SGCZ: variants seen among roughly 807,000 people sequenced by gnomAD.
The protein encoded by SGCZ is zeta-sarcoglycan.
In SGCZ, 40 loss-of-function variants were observed where a neutral mutation model predicts 41.3. The ratio of observed to expected loss-of-function variants is 0.97; its 90% confidence interval spans 0.75 to 1.26. The LOEUF is 1.26. Among genes scored for constraint, SGCZ ranks in the 50% most tolerant of loss-of-function variants. SGCZ has a pLI of 0.00. For synonymous variants in SGCZ, 206 were observed against 137.5 expected (o/e 1.50, Z -3.49); for missense variants, 552 against 369.8 (o/e 1.49, Z -4.04).
intron 1 of SGCZ, among the ~76,000 whole-genome samples, chr8:15,139,167 T>C (rs1034797033): frequency 2.6e-5 from 4 of 152,230 alleles, no homozygotes; most frequent in African/African-American, 9.6e-5. Flanking sequence ...CTGCTAAATA[T>C]TATCAGAGAA....
At chr8:14,700,079 A>G (rs1809087386) in intron 1 of SGCZ, among the ~76,000 whole-genome samples, 1 of 152,194 alleles carries the variant, frequency 6.6e-6, no homozygotes, top group South Asian at 2.1e-4. Context: ...GAGAACTACC[A>G]TTCTATCCAA....
chr8:14,252,963 C>T (rs1281012137), intron 3 of SGCZ, among the ~76,000 whole-genome samples: 1 of 152,026 alleles, frequency 6.6e-6, no homozygotes, highest in Non-Finnish European at 1.5e-5. Flanking sequence ...GCTAGGTTGC[C>T]TGTGGGATTT....
intron 1 of SGCZ, among the ~76,000 whole-genome samples, chr8:14,609,361 A>G (rs530777769): frequency 3.9e-5 from 6 of 152,316 alleles, no homozygotes; most frequent in South Asian, 4.1e-4. Context: ...ACAGAACCAA[A>G]CAAAAGTTTC....
chr8:14,744,656 T>A (rs1315508140), intron 1 of SGCZ, among the ~76,000 whole-genome samples: 1 of 152,182 alleles, frequency 6.6e-6, no homozygotes, highest in Non-Finnish European at 1.5e-5. Context: ...TTGGAACTAC[T>A]GGCTCAGAGA....
In SGCZ at chr8:14,377,622, G is replaced by A. The variant is rs373752879; in HGVS notation, c.235-53418C>T. Reference sequence around the variant, plus strand: ...TATACATGTGCCATGCTGGTGTGCTGCACCCACTAACTCGTCATCTAGCAT... The same window carrying A: ...TATACATGTGCCATGCTGGTGTGCTACACCCACTAACTCGTCATCTAGCAT... On this transcript the variant is annotated intron_variant, in intron 2 of 7. Coordinates refer to ENST00000382080, the MANE Select transcript of SGCZ (RefSeq NM_139167.4). Among the ~76,000 whole-genome samples, 68 of 151,714 alleles carry A rather than the reference G, an allele frequency of 4.5e-4. No individual in the cohort carries two copies. The East Asian group carries it at 9.5e-3, about 21-fold the overall frequency.
intron 1 of SGCZ, among the ~76,000 whole-genome samples, chr8:14,599,586 G>A (rs1375388482): frequency 6.6e-6 from 1 of 152,020 alleles, no homozygotes; most frequent in Non-Finnish European, 1.5e-5. Flanking sequence ...TTGTTCTCCT[G>A]GGAGAAAACT....
intron 1 of SGCZ, among the ~76,000 whole-genome samples, chr8:14,809,546 GT>G (rs886997309): frequency 6.6e-6 from 1 of 152,058 alleles, no homozygotes; most frequent in African/African-American, 2.4e-5. Context: ...CCTTAATGAA[GT>G]TTTGACAATA....
chr8:14,692,827 G>C (rs1050788458), intron 1 of SGCZ, among the ~76,000 whole-genome samples: 1 of 152,080 alleles, frequency 6.6e-6, no homozygotes, highest in Non-Finnish European at 1.5e-5. Flanking sequence ...AAACTATTCA[G>C]GAAAATAAAT....
chr8:14,108,048 T>G (rs777947588), intron 6 of SGCZ, 115 bp downstream of exon 6: 1 of 812,090 alleles, frequency 1.2e-6, no homozygotes, highest in Non-Finnish European at 1.8e-6. Context: ...TTTTTGTATT[T>G]ATTTTAAGTA....
At position 15,195,954 on chromosome 8, in the gene SGCZ, G is replaced by A. The variant is rs550672485; in HGVS notation, c.39+41631C>T. On this transcript the variant is annotated intron_variant, in intron 1 of 7. Coordinates refer to ENST00000382080, the MANE Select transcript of SGCZ (RefSeq NM_139167.4). ...GCTCTGTCGCCCAGGCTGGAGTGCAGTGGCGCGATCTTGGCTCACTGCAAG... is the reference window on the plus strand; with the variant it reads ...GCTCTGTCGCCCAGGCTGGAGTGCAATGGCGCGATCTTGGCTCACTGCAAG... Among the ~76,000 whole-genome samples, 80 of 116,378 alleles carry A rather than the reference G, an allele frequency of 6.9e-4. 1 individual carries two copies. In the South Asian group the frequency reaches 0.019, roughly 28 times the overall value. 76.3% of individuals were successfully genotyped at this position (116,378 alleles called of 152,430 possible). A position where few individuals can be genotyped will look rare whatever the true frequency, so the allele number is the denominator to read the frequency against.
intron 2 of SGCZ, among the ~76,000 whole-genome samples, chr8:14,510,160 G>A (rs529413298): frequency 7.2e-5 from 11 of 152,116 alleles, no homozygotes; most frequent in South Asian, 4.2e-4. Context: ...ATATAATTTC[G>A]TATTTACAAA....
intron 1 of SGCZ, among the ~76,000 whole-genome samples, chr8:15,133,565 T>C (rs1302698263): frequency 6.6e-6 from 1 of 152,242 alleles, no homozygotes; most frequent in Admixed American, 6.5e-5. Flanking sequence ...TTTTCTTAAA[T>C]ACTGTAGTCA....
chr8:14,201,664 A>C (rs1232230076), intron 4 of SGCZ, among the ~76,000 whole-genome samples: 1 of 152,172 alleles, frequency 6.6e-6, no homozygotes. Flanking sequence ...CAAGGGGCAT[A>C]ATGTATTTGT....
intron 1 of SGCZ, among the ~76,000 whole-genome samples, chr8:15,112,563 G>A (rs545841955): frequency 1.3e-5 from 2 of 152,220 alleles, no homozygotes; most frequent in African/African-American, 2.4e-5. Context: ...AAGTGGAAAA[G>A]TAATGTGTCC....
intron 1 of SGCZ, among the ~76,000 whole-genome samples, chr8:14,759,024 A>T (rs1799772870): frequency 6.6e-6 from 1 of 151,766 alleles, no homozygotes; most frequent in African/African-American, 2.4e-5. Flanking sequence ...AAAAAAAAAA[A>T]ATTCTTTACA....
intron 4 of SGCZ, among the ~76,000 whole-genome samples, chr8:14,186,413 C>G (rs146297226): frequency 0.019 from 2,871 of 152,198 alleles, 35 homozygotes; most frequent in Middle Eastern, 0.075. Context: ...CACAGGAATC[C>G]TTCTTCATCT....
chr8:14,427,750 G>T (rs531535846), intron 2 of SGCZ, among the ~76,000 whole-genome samples: 1 of 152,236 alleles, frequency 6.6e-6, no homozygotes, highest in East Asian at 1.9e-4. Flanking sequence ...GCAAATTAAA[G>T]AAGGCTGAAC....
At chr8:14,306,002 T>C (rs925904142) in intron 3 of SGCZ, among the ~76,000 whole-genome samples, 9 of 152,194 alleles carry the variant, frequency 5.9e-5, no homozygotes, top group African/African-American at 1.7e-4. Flanking sequence ...TAGGGTATTC[T>C]AGGTTATTCA....
chr8:14,958,380 T>C (rs3848997), intron 1 of SGCZ, among the ~76,000 whole-genome samples: 14,280 of 152,070 alleles, frequency 0.094, 932 homozygotes, highest in African/African-American at 0.17. Context: ...GGTATGTTCA[T>C]ACAATGGAAT....
Sources: gnomAD v4.1 joint callset for allele counts (sites outside exome capture counted in the v4.1 genomes callset) on GRCh38, gnomAD v4.1.1 for gene constraint, MANE v1.5 for transcripts, NCBI Gene and HGNC (gene_info 2026-07-23, HGNC 2026-07-21) for gene names.